Variants in MAGI2 observed in about 807,000 individuals in gnomAD.
MAGI2 encodes the protein membrane-associated guanylate kinase, WW and PDZ domain-containing protein 2.
In MAGI2, 35 loss-of-function variants were observed where a neutral mutation model predicts 133.3. The ratio of observed to expected loss-of-function variants is 0.26; its 90% CI spans 0.20 to 0.35. The LOEUF (loss-of-function observed/expected upper bound fraction) is 0.35, where lower values mean the gene tolerates loss of function less well. Ranked by LOEUF, MAGI2 falls within the 10% of genes least tolerant of loss-of-function variation. The pLI is 1.00. For missense variants in MAGI2, 1,636 were observed against 1,863.4 expected, an observed-to-expected ratio of 0.88 and a Z score of 2.25; for synonymous variants, 729 against 710.6, an observed-to-expected ratio of 1.03 and a Z score of -0.41.
At chr7:79,409,318 T>C (rs1442729630) in intron 1 of MAGI2, among the ~76,000 whole-genome samples, 1 of 152,072 alleles carries the variant, frequency 6.6e-6, no homozygotes, top group Non-Finnish European at 1.5e-5. Context: ...TAAGATGGTG[T>C]CTCACAATGT....
intron 3 of MAGI2, among the ~76,000 whole-genome samples, chr7:78,604,417 T>C (rs1350940368): frequency 6.6e-6 from 1 of 152,172 alleles, no homozygotes; most frequent in Admixed American, 6.5e-5. Flanking sequence ...CCGTCCTTTG[T>C]TGATTTGATT....
intron 1 of MAGI2, among the ~76,000 whole-genome samples, chr7:79,309,965 T>C (rs1838109373): frequency 1.5e-5 from 1 of 66,540 alleles, no homozygotes; most frequent in Non-Finnish European, 4.3e-5. Flanking sequence ...ACCTTGTTTT[T>C]CCTAAAAAAA....
rs149556084 is a variant in MAGI2 at position 78,743,117 on chromosome 7, T to G, written c.419-115878A>C. On this transcript the variant is annotated intron_variant, in intron 2 of 21. Coordinates refer to ENST00000354212, the MANE Select transcript of MAGI2 (RefSeq NM_012301.4). Reference sequence around the variant, plus strand: ...AAATTATGAGAAATAATGAAATGATTATCGCTGTTTTAAATCATTATGTTT... The same window carrying G: ...AAATTATGAGAAATAATGAAATGATGATCGCTGTTTTAAATCATTATGTTT... 7.5e-4 allele frequency among the ~76,000 whole-genome samples: 114 copies of G among 152,356 alleles called. No homozygotes were observed. The East Asian group carries it at 0.01, about 13-fold the overall frequency.
At chr7:79,158,756 T>C (rs1007942809) in intron 1 of MAGI2, among the ~76,000 whole-genome samples, 3 of 152,050 alleles carry the variant, frequency 2.0e-5, no homozygotes, top group Non-Finnish European at 4.4e-5. Context: ...ATATTTGCTA[T>C]CATTGTTTTT....
chr7:78,623,988 G>A (rs999574107), intron 3 of MAGI2, among the ~76,000 whole-genome samples: 3 of 152,022 alleles, frequency 2.0e-5, no homozygotes, highest in Non-Finnish European at 4.4e-5. Flanking sequence ...AACCTCACTA[G>A]CATCTGTTGT....
At chr7:78,617,208 T>C (rs1333656484) in intron 3 of MAGI2, 1 of 152,066 alleles carries the variant, frequency 6.6e-6, no homozygotes, top group East Asian at 1.9e-4. Context: ...CCTGTGTGGG[T>C]AGGAATGTGC....
At chr7:78,521,033 T>C (rs554524509) in intron 4 of MAGI2, among the ~76,000 whole-genome samples, 1 of 152,256 alleles carries the variant, frequency 6.6e-6, no homozygotes, top group South Asian at 2.1e-4. Context: ...GAAGAATAGA[T>C]TTTCTCTAAT....
chr7:78,678,382 T>C (rs879312674), intron 2 of MAGI2, among the ~76,000 whole-genome samples: 1 of 152,112 alleles, frequency 6.6e-6, no homozygotes, highest in African/African-American at 2.4e-5. Context: ...CCACTCAAAG[T>C]CATCTTCCCC....
At chr7:78,736,847 A>T (rs1158124910) in intron 2 of MAGI2, among the ~76,000 whole-genome samples, 1 of 152,200 alleles carries the variant, frequency 6.6e-6, no homozygotes, top group Admixed American at 6.5e-5. Flanking sequence ...ATGTTAAATC[A>T]TAATTCTTGA....
chr7:78,849,846 G>T (rs941518968), intron 2 of MAGI2, among the ~76,000 whole-genome samples: 34 of 151,912 alleles, frequency 2.2e-4, no homozygotes, highest in African/African-American at 6.0e-4. Flanking sequence ...CCATAGCAAG[G>T]ATTAAAATTC....
intron 1 of MAGI2, among the ~76,000 whole-genome samples, chr7:79,256,775 G>T (rs1833715463): frequency 6.6e-6 from 1 of 151,954 alleles, no homozygotes; most frequent in South Asian, 2.1e-4. Flanking sequence ...ACAGGCATGA[G>T]CCACCACGCC....
At chr7:78,176,908 G>GACTCTCTCAC (rs781171770) in intron 14 of MAGI2, among the ~76,000 whole-genome samples, 6 of 130,432 alleles carry the variant, frequency 4.6e-5, no homozygotes, top group African/African-American at 1.4e-4. Context: ...ACCATATATA[G>GACTCTCTCAC]ACACACACAC....
At chr7:79,359,513 T>A (rs781332633) in intron 1 of MAGI2, among the ~76,000 whole-genome samples, 1 of 151,920 alleles carries the variant, frequency 6.6e-6, no homozygotes, top group East Asian at 1.9e-4. Context: ...CCAAATAGGA[T>A]AAACTTAAAG....
rs112808866 is a variant in MAGI2 at position 78,256,257 on chromosome 7, A to C, written c.1733T>G (p.Leu578Arg). ...SLHSMPTDGQ[L>R]DGTYPPPVHD... The stretch of plus-strand genomic sequence containing the variant: ...GACGGGCGGTGGATACGTGCCGTCT[A>C]GCTGACCATCAGTTGGCATGGAGTG... The change falls in exon 10 of 22, where the codon CTA (leucine) becomes CGA (arginine). Residue 578 changes from leucine to arginine, a missense_variant. By Grantham distance (102) the Leu-to-Arg change is moderately radical. This residue lies in a region of MAGI2 where 920 missense variants were observed against 1,093.5 expected (regional missense o/e 0.84). Coordinates refer to ENST00000354212, the MANE Select transcript of MAGI2 (RefSeq NM_012301.4). 1 of 1,614,100 alleles carries C rather than the reference A, an allele frequency of 6.2e-7. No homozygotes were observed.
At chr7:78,575,582 A>G (rs1802184705) in intron 3 of MAGI2, among the ~76,000 whole-genome samples, 2 of 152,224 alleles carry the variant, frequency 1.3e-5, no homozygotes, top group Admixed American at 1.3e-4. Flanking sequence ...ACTCAGTTAC[A>G]TGATGAAGCT....
intron 21 of MAGI2, among the ~76,000 whole-genome samples, chr7:78,040,580 C>T (rs1489419217): frequency 6.6e-6 from 1 of 152,136 alleles, no homozygotes; most frequent in African/African-American, 2.4e-5. Flanking sequence ...CTGAGGATCC[C>T]GCAGGTAGAC....
chr7:78,027,218 T>C (rs1353200935), intron 21 of MAGI2, among the ~76,000 whole-genome samples: 1 of 152,148 alleles, frequency 6.6e-6, no homozygotes, highest in African/African-American at 2.4e-5. Context: ...CCATCTAAAG[T>C]GATTGTCAGA....
chr7:79,216,809 G>A (rs1418960411), intron 1 of MAGI2, among the ~76,000 whole-genome samples: 1 of 152,096 alleles, frequency 6.6e-6, no homozygotes, highest in Non-Finnish European at 1.5e-5. Flanking sequence ...TCAAATGCAA[G>A]AACAGAATAG....
chr7:79,312,505 T>C (rs545743822), intron 1 of MAGI2, among the ~76,000 whole-genome samples: 2 of 152,200 alleles, frequency 1.3e-5, no homozygotes, highest in Non-Finnish European at 2.9e-5. Flanking sequence ...GTCTATTCTA[T>C]GTAATACCGC....
Sources: gnomAD v4.1 joint callset for allele counts (sites outside exome capture counted in the v4.1 genomes callset) on GRCh38, gnomAD v4.1.1 for gene constraint, gnomAD v4.1.1 regional missense constraint, MANE v1.5 for transcripts, NCBI Gene and HGNC (gene_info 2026-07-23, HGNC 2026-07-21) for gene names.